FOXP2: variants seen among roughly 807,000 people sequenced by gnomAD.
FOXP2 encodes forkhead box P2.
Under a neutral mutation model 115.8 loss-of-function variants are expected in FOXP2, and 12 were observed. That is an observed-to-expected ratio of 0.10 (90% CI 0.07 to 0.17). FOXP2 has a LOEUF of 0.17. Ranked by LOEUF, FOXP2 falls within the 10% of genes least tolerant of loss-of-function variation. The probability of loss-of-function intolerance (pLI) is 1.00; values close to 1 mark genes in which losing one functional copy is unlikely to be tolerated. For missense variants in FOXP2, 629 were observed against 843.5 expected (o/e 0.75, Z 3.15); for synonymous variants, 328 against 297.7 (o/e 1.10, Z -1.05).
chr7:114,642,916 C>T (rs1314422480), intron 7 of FOXP2, among the ~76,000 whole-genome samples: 4 of 149,218 alleles, frequency 2.7e-5, no homozygotes, highest in Admixed American at 2.7e-4. Context: ...TCCTGCCATT[C>T]TCCTGCCCCA....
At chr7:114,115,962 C>T (rs796393058) in intron 1 of FOXP2, among the ~76,000 whole-genome samples, 2 of 152,086 alleles carry the variant, frequency 1.3e-5, no homozygotes, top group Non-Finnish European at 2.9e-5. Flanking sequence ...ATTTAAAGTG[C>T]CTTCCATGAT....
At chr7:114,495,105 A>G (rs1309768067) in intron 2 of FOXP2, among the ~76,000 whole-genome samples, 5 of 152,198 alleles carry the variant, frequency 3.3e-5, no homozygotes, top group Admixed American at 3.3e-4. Flanking sequence ...ACCCCTTACC[A>G]CATACACAAA....
At chr7:114,332,460 A>G (rs1250443730) in intron 2 of FOXP2, among the ~76,000 whole-genome samples, 3 of 152,194 alleles carry the variant, frequency 2.0e-5, no homozygotes, top group African/African-American at 4.8e-5. Context: ...CTGTTTAAAG[A>G]CAAAACTATA....
At chr7:114,338,013 C>A (rs1471038232) in intron 2 of FOXP2, among the ~76,000 whole-genome samples, 1 of 150,996 alleles carries the variant, frequency 6.6e-6, no homozygotes, top group Non-Finnish European at 1.5e-5. Context: ...ATTTTAAGGA[C>A]TTCTATTTTT....
intron 2 of FOXP2, among the ~76,000 whole-genome samples, chr7:114,397,413 A>G (rs1303693814): frequency 6.6e-6 from 1 of 152,122 alleles, no homozygotes; most frequent in Non-Finnish European, 1.5e-5. Context: ...AAAAATCAAC[A>G]TTAATATTTC....
At chr7:114,596,628 G>C (rs1449352482) in intron 3 of FOXP2, among the ~76,000 whole-genome samples, 1 of 152,076 alleles carries the variant, frequency 6.6e-6, no homozygotes, top group Admixed American at 6.6e-5. Flanking sequence ...GACCAAAGGT[G>C]CACATGTATT....
intron 2 of FOXP2, among the ~76,000 whole-genome samples, chr7:114,528,426 T>C (rs1798977847): frequency 6.6e-6 from 1 of 152,104 alleles, no homozygotes; most frequent in African/African-American, 2.4e-5. Context: ...CTTTTGAAGA[T>C]AGAAACAATG....
chr7:114,209,544 A>T (rs1307524352), intron 1 of FOXP2, among the ~76,000 whole-genome samples: 2 of 152,130 alleles, frequency 1.3e-5, no homozygotes, highest in Non-Finnish European at 2.9e-5. Context: ...TTACCTTTGT[A>T]GGTCACCTGG....
At chr7:114,228,327 G>T (rs181786425) in intron 1 of FOXP2, among the ~76,000 whole-genome samples, 48 of 152,086 alleles carry the variant, frequency 3.2e-4, no homozygotes, top group African/African-American at 1.1e-3. Flanking sequence ...GTATTACTCC[G>T]TGGATTGAGA....
At chr7:114,550,601 A>G (rs1181917420) in intron 3 of FOXP2, among the ~76,000 whole-genome samples, 2 of 152,212 alleles carry the variant, frequency 1.3e-5, no homozygotes, top group Non-Finnish European at 2.9e-5. Flanking sequence ...AAGTTATTCA[A>G]TGAAGTACAG....
intron 2 of FOXP2, among the ~76,000 whole-genome samples, chr7:114,330,925 T>C (rs1406825597): frequency 6.6e-6 from 1 of 152,200 alleles, no homozygotes; most frequent in Non-Finnish European, 1.5e-5. Flanking sequence ...CCTGTAGCTA[T>C]GAAATATGAA....
intron 1 of FOXP2, among the ~76,000 whole-genome samples, chr7:114,255,515 G>A (rs931876429): frequency 1.3e-5 from 2 of 152,168 alleles, no homozygotes; most frequent in African/African-American, 4.8e-5. Context: ...CCTCAGCCTA[G>A]CTGCGGCCTT....
At chr7:114,125,041 A>G (rs1400290071) in intron 1 of FOXP2, among the ~76,000 whole-genome samples, 2 of 152,126 alleles carry the variant, frequency 1.3e-5, no homozygotes, top group Non-Finnish European at 2.9e-5. Flanking sequence ...TCTAATCCCT[A>G]ATTCTGTGCA....
chr7:114,265,876 G>A (rs1441855708), intron 1 of FOXP2, among the ~76,000 whole-genome samples: 1 of 152,098 alleles, frequency 6.6e-6, no homozygotes, highest in African/African-American at 2.4e-5. Context: ...CAGGTCCCCT[G>A]AGCCGAGGCT....
At chr7:114,192,863 C>G (rs951884094) in intron 1 of FOXP2, among the ~76,000 whole-genome samples, 4 of 152,104 alleles carry the variant, frequency 2.6e-5, no homozygotes, top group African/African-American at 9.7e-5. Context: ...TTCTCAACAC[C>G]TTAGTAGAAA....
At chr7:114,121,744 G>T (rs1159636803) in intron 1 of FOXP2, among the ~76,000 whole-genome samples, 2 of 152,116 alleles carry the variant, frequency 1.3e-5, no homozygotes, top group Non-Finnish European at 2.9e-5. Flanking sequence ...TTTAGTTAAG[G>T]AGATATGGGG....
In FOXP2 at chr7:114,511,303, A is replaced by G. The variant is rs367552921; in HGVS notation, c.169-23314A>G. Among the ~76,000 whole-genome samples the G allele has an allele frequency of 4.5e-4, 69 of 152,304 alleles. 1 individual carries two copies. The East Asian group carries it at 8.1e-3, about 18-fold the overall frequency. On this transcript the variant is annotated intron_variant, in intron 2 of 16. Coordinates refer to ENST00000350908, the MANE Select transcript of FOXP2 (RefSeq NM_014491.4). ...AAACCACCATGGCACATGTATACCT[A>G]TGGAACAAGCCTGCACGTTCTGTAC...
At chr7:114,247,700 C>G (rs1228676551) in intron 1 of FOXP2, among the ~76,000 whole-genome samples, 2 of 152,168 alleles carry the variant, frequency 1.3e-5, no homozygotes, top group East Asian at 3.8e-4. Context: ...TAGTCCACTT[C>G]TGGGCTGGAA....
intron 2 of FOXP2, among the ~76,000 whole-genome samples, chr7:114,392,069 T>C (rs1470991535): frequency 6.6e-6 from 1 of 152,188 alleles, no homozygotes; most frequent in African/African-American, 2.4e-5. Flanking sequence ...ATGTCATAAT[T>C]TGTTCAATGT....
Sources: allele counts gnomAD v4.1 joint callset (sites outside exome capture counted in the v4.1 genomes callset), GRCh38; gene constraint gnomAD v4.1.1; transcripts MANE v1.5; gene names NCBI Gene and HGNC (gene_info 2026-07-23, HGNC 2026-07-21).